Variants in FRMD4A observed in about 807,000 individuals in gnomAD.
The protein encoded by FRMD4A is FERM domain containing 4A, also known as FERM domain-containing protein 4A.
Under a neutral mutation model 129.1 loss-of-function variants are expected in FRMD4A, and 29 were observed. That is an observed-to-expected ratio of 0.22 (90% CI 0.17 to 0.31). The LOEUF is 0.31. Ranked by LOEUF, FRMD4A falls within the 10% of genes least tolerant of loss-of-function variation. FRMD4A has a pLI of 1.00. For synonymous variants in FRMD4A, 634 were observed against 571.6 expected (o/e 1.11, Z -1.56); for missense variants, 1,272 against 1,375.8 (o/e 0.92, Z 1.19).
intron 14 of FRMD4A, among the ~76,000 whole-genome samples, chr10:13,697,417 G>T (rs893609071): frequency 6.6e-6 from 1 of 152,084 alleles, no homozygotes; most frequent in Non-Finnish European, 1.5e-5. Context: ...CAAAGTGCTG[G>T]GATTACAGGC....
intron 2 of FRMD4A, among the ~76,000 whole-genome samples, chr10:14,215,933 G>T (rs754398697): frequency 6.6e-6 from 1 of 151,828 alleles, no homozygotes; most frequent in Non-Finnish European, 1.5e-5. Context: ...TCCTGCTCAG[G>T]TTCTTTGATT....
chr10:13,911,156 A>T (rs2094936877), intron 2 of FRMD4A, among the ~76,000 whole-genome samples: 1 of 152,202 alleles, frequency 6.6e-6, no homozygotes, highest in African/African-American at 2.4e-5. Context: ...CAAATAAATA[A>T]CATTAATCAT....
At chr10:13,962,514 G>C (rs1366453666) in intron 2 of FRMD4A, among the ~76,000 whole-genome samples, 2 of 152,154 alleles carry the variant, frequency 1.3e-5, no homozygotes, top group African/African-American at 4.8e-5. Flanking sequence ...TAAGAAAATA[G>C]ACTCTCTATT....
chr10:14,268,737 T>C (rs963402089), intron 2 of FRMD4A, among the ~76,000 whole-genome samples: 2 of 152,212 alleles, frequency 1.3e-5, no homozygotes, highest in Non-Finnish European at 2.9e-5. Flanking sequence ...TGTGTATGCA[T>C]GAGACAATCA....
At chr10:13,773,921 G>A (rs1020619476) in intron 6 of FRMD4A, among the ~76,000 whole-genome samples, 1 of 152,222 alleles carries the variant, frequency 6.6e-6, no homozygotes, top group African/African-American at 2.4e-5. Flanking sequence ...AAGGCTTGGC[G>A]GGAAAGCTGT....
chr10:13,727,531 G>A (rs1293535965), intron 12 of FRMD4A, among the ~76,000 whole-genome samples: 4 of 152,174 alleles, frequency 2.6e-5, no homozygotes, highest in African/African-American at 7.2e-5. Context: ...GGTTGAGGGC[G>A]CCATGTTGGG....
At chr10:14,213,437 G>A (rs931206488) in intron 2 of FRMD4A, among the ~76,000 whole-genome samples, 26 of 152,118 alleles carry the variant, frequency 1.7e-4, no homozygotes, top group African/African-American at 6.0e-4. Context: ...CTCAGAGAGG[G>A]TAAGTAGCTT....
chr10:13,848,356 C>G lies in FRMD4A; in HGVS notation c.111+10491G>C, dbSNP rs372126770. 7.9e-5 allele frequency among the ~76,000 whole-genome samples: 12 copies of G among 152,186 alleles called. No homozygotes were observed. In the East Asian group the frequency reaches 1.7e-3, roughly 22 times the overall value. ...GAGCCACATGAAATTGTCCCCTTAG[C>G]AGGACAAAGTCTGCCAAATATTGGC... On this transcript the variant is annotated intron_variant, in intron 3 of 24. Coordinates refer to ENST00000357447, the MANE Select transcript of FRMD4A (RefSeq NM_018027.5).
In FRMD4A at chr10:13,843,807, G is replaced by A. The variant is rs575091925; in HGVS notation, c.111+15040C>T. On this transcript the variant is annotated intron_variant, in intron 3 of 24. Coordinates refer to ENST00000357447, the MANE Select transcript of FRMD4A (RefSeq NM_018027.5). ...AGCCACTGCACCCAGCCCCTTTCCT[G>A]CTTTTGAACATTATTGTGCAAGGAG... Among the ~76,000 whole-genome samples, 9 of 152,276 alleles carry A rather than the reference G, an allele frequency of 5.9e-5. No homozygotes were observed. The East Asian group carries it at 1.7e-3, about 29-fold the overall frequency.
chr10:14,319,405 C>A (rs1038005291), intron 2 of FRMD4A, among the ~76,000 whole-genome samples: 4 of 112,292 alleles, frequency 3.6e-5, no homozygotes, highest in African/African-American at 1.3e-4. Context: ...TACATACAGC[C>A]ACCTTGTGAG....
rs372853051 is a variant in FRMD4A at position 13,714,255 on chromosome 10, G to T, written c.760-7142C>A. ...TTTTTGTATTTTTAGTAGAGACGGG[G>T]TTTCATCATGTTGGCCAGGCTGGTC... On this transcript the variant is annotated intron_variant, in intron 12 of 24. Transcript: ENST00000357447. 1.1e-4 allele frequency among the ~76,000 whole-genome samples: 16 copies of T among 150,430 alleles called. No individual in the cohort carries two copies. The East Asian group carries it at 2.0e-3, about 18-fold the overall frequency.
intron 2 of FRMD4A, among the ~76,000 whole-genome samples, chr10:14,130,285 T>A (rs58951181): frequency 0.013 from 1,953 of 152,332 alleles, 39 homozygotes; most frequent in African/African-American, 0.045. Context: ...TTTGTACAGA[T>A]GGTCTCACTC....
At chr10:13,929,353 G>A (rs1027018321) in intron 2 of FRMD4A, among the ~76,000 whole-genome samples, 6 of 152,178 alleles carry the variant, frequency 3.9e-5, no homozygotes, top group South Asian at 2.1e-4. Context: ...GAGGTACAGC[G>A]TGCTACCTGG....
At chr10:13,960,357 C>G (rs145485012) in intron 2 of FRMD4A, among the ~76,000 whole-genome samples, 1 of 152,300 alleles carries the variant, frequency 6.6e-6, no homozygotes, top group Non-Finnish European at 1.5e-5. Flanking sequence ...GTTCTCTATT[C>G]ATCATTTCTC....
intron 2 of FRMD4A, among the ~76,000 whole-genome samples, chr10:13,911,253 A>G (rs1460338951): frequency 6.6e-6 from 1 of 152,230 alleles, no homozygotes; most frequent in Non-Finnish European, 1.5e-5. Flanking sequence ...TTTCCTGCAC[A>G]TGATAAGATC....
chr10:14,045,126 C>T (rs1565208426), intron 2 of FRMD4A, among the ~76,000 whole-genome samples: 1 of 152,124 alleles, frequency 6.6e-6, no homozygotes, highest in Non-Finnish European at 1.5e-5. Flanking sequence ...TGGTCTTGAA[C>T]TCCTGGACTC....
chr10:13,780,483 A>G (rs1588683455), intron 6 of FRMD4A, among the ~76,000 whole-genome samples: 1 of 152,206 alleles, frequency 6.6e-6, no homozygotes, highest in East Asian at 1.9e-4. Flanking sequence ...GCAATTGGAT[A>G]CAGGACAAGG....
At chr10:13,923,493 C>T (rs750395332) in intron 2 of FRMD4A, among the ~76,000 whole-genome samples, 6 of 152,136 alleles carry the variant, frequency 3.9e-5, no homozygotes, top group Non-Finnish European at 7.3e-5. Flanking sequence ...TGTGCACATA[C>T]GTACACACAC....
intron 24 of FRMD4A, chr10:13,647,561 C>G (rs991932799): frequency 9.2e-5 from 14 of 152,162 alleles, no homozygotes; most frequent in African/African-American, 3.4e-4. Flanking sequence ...GAAGAACATT[C>G]AAAATGTGAG....
Sources: allele counts gnomAD v4.1 joint callset (sites outside exome capture counted in the v4.1 genomes callset), GRCh38; gene constraint gnomAD v4.1.1; transcripts MANE v1.5; gene names NCBI Gene and HGNC (gene_info 2026-07-23, HGNC 2026-07-21).